Variants in BTD observed in about 807,000 individuals in gnomAD.
BTD encodes the protein biocytinase.
BTD carries 13 observed loss-of-function variants against 17.7 expected under a neutral mutation model. That is an observed-to-expected ratio of 0.74 (90% CI 0.48 to 1.17). BTD has a LOEUF of 1.17. BTD is among the 50% of genes most tolerant of loss of function. The pLI is 0.00. For missense variants in BTD, 674 were observed against 650.4 expected, an observed-to-expected ratio of 1.04 and a Z score of -0.39; for synonymous variants, 240 against 245.2, an observed-to-expected ratio of 0.98 and a Z score of 0.20.
intron 3 of BTD, chr3:15,679,642 A>G: frequency 9.0e-7 from 1 of 1,112,710 alleles, no homozygotes; most frequent in Non-Finnish European, 1.3e-6. Context: ...AAGTGTTTAA[A>G]GGAAAAATGT....
At chr3:15,715,863 A>C (rs915735062), downstream of BTD, among the ~76,000 whole-genome samples, 7 of 151,898 alleles carry the variant, frequency 4.6e-5, no homozygotes, top group African/African-American at 1.7e-4. Context: ...ACCAGTTGTT[A>C]TTTGTTCAAC....
At chr3:15,707,868 G>A in intron 3 of BTD, 2 of 1,567,284 alleles carry the variant, frequency 1.3e-6, no homozygotes, top group Non-Finnish European at 1.7e-6. Flanking sequence ...CATCCATATG[G>A]AAGATGCCAG....
chr3:15,604,715 T>A (rs1395731952), intron 1 of BTD, among the ~76,000 whole-genome samples: 1 of 152,220 alleles, frequency 6.6e-6, no homozygotes, highest in Non-Finnish European at 1.5e-5. Flanking sequence ...TTCTGCCAGA[T>A]ACCCTAAATC....
chr3:15,605,936 G>A (rs77879656), intron 1 of BTD, among the ~76,000 whole-genome samples: 25,865 of 151,478 alleles, frequency 0.17, 2,732 homozygotes, highest in South Asian at 0.29. Context: ...CCAGCTATTC[G>A]GGAGACTGAG....
chr3:15,610,872 T>A (rs1018825449), intron 1 of BTD, among the ~76,000 whole-genome samples: 2 of 151,548 alleles, frequency 1.3e-5, no homozygotes. Flanking sequence ...GTGATAAAGC[T>A]ATTTTAAAAA....
chr3:15,696,616 C>T (rs532151022), intron 3 of BTD, among the ~76,000 whole-genome samples: 44 of 152,050 alleles, frequency 2.9e-4, no homozygotes, highest in African/African-American at 1.0e-3. Flanking sequence ...GGCAATATTA[C>T]TATTTATCTA....
intron 3 of BTD, chr3:15,695,326 G>T: frequency 1.3e-6 from 1 of 754,566 alleles, no homozygotes; most frequent in Non-Finnish European, 2.2e-6. Context: ...GCTTCCTTTG[G>T]CTCCAAAAAA....
At chr3:15,669,676 A>T (rs1027526018) in intron 3 of BTD, 7 of 148,244 alleles carry the variant, frequency 4.7e-5, no homozygotes, top group African/African-American at 1.7e-4. Flanking sequence ...ATGTTTTCTT[A>T]AAAAAAAAAC....
intron 3 of BTD, chr3:15,690,146 A>G: frequency 6.2e-7 from 1 of 1,609,766 alleles, no homozygotes; most frequent in Non-Finnish European, 8.5e-7. Flanking sequence ...GTGTTCTTCC[A>G]CTACTATTTC....
intron 3 of BTD, chr3:15,667,660 C>A (rs905695203): frequency 7.2e-5 from 11 of 152,170 alleles, no homozygotes; most frequent in Non-Finnish European, 1.2e-4. Flanking sequence ...TGAGACAGTA[C>A]TTTGGGGTTT....
chr3:15,696,366 A>G (rs2069553757), intron 3 of BTD: 1 of 598,276 alleles, frequency 1.7e-6, no homozygotes, highest in Non-Finnish European at 2.9e-6. Flanking sequence ...AAAAATCATA[A>G]ATGTATTACA....
intron 3 of BTD, among the ~76,000 whole-genome samples, chr3:15,674,604 A>T (rs1224525676): frequency 2.6e-5 from 4 of 152,190 alleles, no homozygotes; most frequent in African/African-American, 9.7e-5. Context: ...TAAATCTGGG[A>T]ATCCTCAGCA....
chr3:15,662,472 G>C (rs1386430226), intron 3 of BTD, among the ~76,000 whole-genome samples: 3 of 152,098 alleles, frequency 2.0e-5, no homozygotes, highest in African/African-American at 7.2e-5. Context: ...TTGCAATACT[G>C]GTATAATTAC....
chr3:15,658,984 G>A (rs557416020), intron 3 of BTD, among the ~76,000 whole-genome samples: 1 of 152,264 alleles, frequency 6.6e-6, no homozygotes, highest in East Asian at 1.9e-4. Context: ...GCCTCCCACT[G>A]ATCACAGGGG....
intron 3 of BTD, chr3:15,685,218 T>C (rs759106252): frequency 4.3e-6 from 7 of 1,612,948 alleles, no homozygotes; most frequent in Non-Finnish European, 5.1e-6. Context: ...TGTGTTTGTA[T>C]ACTTAACCAT....
chr3:15,678,405 G>T, intron 3 of BTD: 1 of 1,506,128 alleles, frequency 6.6e-7, no homozygotes, highest in African/African-American at 1.4e-5. Context: ...TGTTATATAT[G>T]CTGGAAAAAT....
intron 3 of BTD, among the ~76,000 whole-genome samples, chr3:15,664,940 TA>T (rs67741671): frequency 0.049 from 7,443 of 152,216 alleles, 490 homozygotes; most frequent in African/African-American, 0.15. Context: ...AAATAATCTG[TA>T]CACTAACCCC....
chr3:15,622,758 A>T (rs1267881568), intron 1 of BTD, among the ~76,000 whole-genome samples: 1 of 152,018 alleles, frequency 6.6e-6, no homozygotes, highest in Non-Finnish European at 1.5e-5. Context: ...CACATTAAGG[A>T]TTTTTATTTC....
At chr3:15,641,868 C>A in intron 2 of BTD, 40 bp from the exon 3 acceptor site, 1 of 1,435,172 alleles carries the variant, frequency 7.0e-7, no homozygotes, top group East Asian at 2.3e-5. Context: ...TTCTTCCTGC[C>A]ATCTGATAAC....
Sources: allele counts gnomAD v4.1 joint callset (sites outside exome capture counted in the v4.1 genomes callset), GRCh38; gene constraint gnomAD v4.1.1; transcripts MANE v1.5; gene names NCBI Gene and HGNC (gene_info 2026-07-23, HGNC 2026-07-21).